TMEM94: variants seen among roughly 807,000 people sequenced by gnomAD.
TMEM94 encodes the protein ER Mg2+ ATPase.
In TMEM94, 81 loss-of-function variants were observed where a neutral mutation model predicts 158.6. That is an observed-to-expected ratio of 0.51 (90% CI 0.43 to 0.61). The LOEUF is 0.61. TMEM94 is among the 20% of genes least tolerant of loss of function. TMEM94 has a pLI of 0.00. For missense variants in TMEM94, 1,435 were observed against 1,762.0 expected (o/e 0.81, Z 3.32); for synonymous variants, 751 against 730.7 (o/e 1.03, Z -0.45).
At chr17:75,497,561 C>T (rs1482984488) in intron 26 of TMEM94, among the ~76,000 whole-genome samples, 3 of 152,010 alleles carry the variant, frequency 2.0e-5, no homozygotes, top group African/African-American at 4.8e-5. Context: ...GCCATGTTGG[C>T]GAGGCTGGTT....
In TMEM94 at chr17:75,498,769, G is replaced by C; in HGVS notation, c.3827+47G>C. ...GGCGGAGTGTGGGCTGGGGAGGAGA[G>C]GGCCTTCTGCAGGGCTAGGATCGGA... On this transcript the variant is annotated intron_variant, in intron 30 of 31. Coordinates refer to ENST00000314256, the MANE Select transcript of TMEM94 (RefSeq NM_014738.6). This position sits in a 1 kb window ranked among gnomAD's most constrained non-coding sequence, Gnocchi z 6.7. The C allele has an allele frequency of 6.5e-7, 1 of 1,533,742 alleles. No homozygotes were observed. The highest frequency in any genetic ancestry group is 8.8e-7 in the Non-Finnish European group (1 of 1,139,054).
Position 75,491,339 on chromosome 17 carries a change from T to C in TMEM94, c.1270T>C (p.Trp424Arg). Residue 424 changes from tryptophan (W) to arginine (R), a missense_variant, in exon 13 of 32, where the codon TGG becomes CGG. Trp to Arg is a moderately radical substitution (Grantham distance 101, BLOSUM62 -3). Transcript: ENST00000314256. This position sits in a 1 kb window ranked among gnomAD's most constrained non-coding sequence, Gnocchi z 5.1. Reference protein sequence around the residue: ...CCVDKQGILSWPNPSPETVLF... With the variant: ...CCVDKQGILSRPNPSPETVLF... The stretch of plus-strand genomic sequence containing the variant: ...TGTGGACAAACAGGGGATCCTGTCA[T>C]GGCCAAATCCCAGCCCAGAGACTGT... The C allele has an allele frequency of 6.2e-7, 1 of 1,614,182 alleles. No individual in the cohort carries two copies. Among genetic ancestry groups the C allele is most frequent in the Non-Finnish European group, 8.5e-7 (1 of 1,180,036 alleles).
At position 75,485,795 on chromosome 17, in the gene TMEM94, G is replaced by T; in HGVS notation, c.145-76G>T. On this transcript the variant is annotated intron_variant, in intron 3 of 31. Coordinates refer to ENST00000314256, the MANE Select transcript of TMEM94 (RefSeq NM_014738.6). This position sits in a 1 kb window ranked among gnomAD's most constrained non-coding sequence, Gnocchi z 5.5. ...GGACCAAGGCGGCCATGGGGGCTGG[G>T]AAGGGTGCCGGGGGAGGCAGCCAGA... is the stretch of plus-strand genomic sequence containing the variant. The T allele has an allele frequency of 1.3e-6, 2 of 1,509,498 alleles. No homozygotes were observed. The highest frequency in any genetic ancestry group is 8.9e-7 in the Non-Finnish European group (1 of 1,120,900). The allele number at this position is 1,509,498 out of a possible 1,614,324, so 93.5% of individuals were successfully genotyped here.
intron 1 of TMEM94, among the ~76,000 whole-genome samples, chr17:75,471,427 G>A (rs2050498437): frequency 6.6e-6 from 1 of 151,904 alleles, no homozygotes; most frequent in African/African-American, 2.4e-5. Flanking sequence ...TGGTCAGTGA[G>A]TTCAGTACTT....
intron 2 of TMEM94, among the ~76,000 whole-genome samples, chr17:75,475,051 A>G (rs1184414045): frequency 6.6e-6 from 1 of 152,052 alleles, no homozygotes; most frequent in African/African-American, 2.4e-5. Context: ...CATAGAAGGG[A>G]CAGTGTTTGT....
chr17:75,476,754 T>G, intron 2 of TMEM94: 2 of 1,535,736 alleles, frequency 1.3e-6, no homozygotes, highest in Non-Finnish European at 1.7e-6. Context: ...GTGAGTATGC[T>G]GGCAGGGCTT....
rs144192932 is a variant in TMEM94 at position 75,485,475 on chromosome 17, C to T, written c.72C>T (p.Ser24=). ...ALGLSTRKAL[S]VLKEQLEAVL... is the part of the protein sequence containing the mutation. Reference sequence around the variant, plus strand: ...GCCTGTCCACGCGGAAGGCCCTCAGCGTCCTGAAGGAGCAGCTGGAGGCAG... The same window carrying T: ...GCCTGTCCACGCGGAAGGCCCTCAGTGTCCTGAAGGAGCAGCTGGAGGCAG... The change falls in exon 3 of 32, where the codon AGC becomes AGT. Residue 24 remains serine (S), a synonymous_variant. Transcript: ENST00000314256. This position sits in a 1 kb window ranked among gnomAD's most constrained non-coding sequence, Gnocchi z 5.5. 7 of 1,614,032 alleles carry T rather than the reference C, an allele frequency of 4.3e-6. No individual in the cohort carries two copies. The African/African-American group carries it at 5.3e-5, about 12-fold the overall frequency.
In TMEM94 at chr17:75,498,392, G is replaced by T; in HGVS notation, c.3639-52G>T. On this transcript the variant is annotated intron_variant, in intron 28 of 31. Coordinates refer to ENST00000314256, the MANE Select transcript of TMEM94 (RefSeq NM_014738.6). The surrounding 1 kb of genome is among the most constrained non-coding windows in gnomAD (Gnocchi z 6.7). ...CGAGGCTTCCTCCCTCCCCACCCCA[G>T]CCTACCTCCCTGCGGCCCTAGAGGG... 1 of 1,610,262 alleles carries T rather than the reference G, an allele frequency of 6.2e-7. No individual in the cohort carries two copies. The highest frequency in any genetic ancestry group is 1.1e-5 in the South Asian group (1 of 90,814).
intron 1 of TMEM94, among the ~76,000 whole-genome samples, chr17:75,470,778 G>A (rs1235851188): frequency 6.6e-6 from 1 of 151,258 alleles, no homozygotes; most frequent in Non-Finnish European, 1.5e-5. Flanking sequence ...AATTAGCCGG[G>A]GATGCTGGTG....
chr17:75,474,630 G>C (rs1466562776), intron 2 of TMEM94, among the ~76,000 whole-genome samples: 1 of 152,190 alleles, frequency 6.6e-6, no homozygotes, highest in African/African-American at 2.4e-5. Context: ...CTGGGGGACA[G>C]AGCAGAATCT....
rs1002790842 is a variant in TMEM94, at chr17:75,492,882, G to A, written c.1913-47G>A. On this transcript the variant is annotated intron_variant, in intron 15 of 31. Transcript: ENST00000314256. The surrounding 1 kb of genome is among the most constrained non-coding windows in gnomAD (Gnocchi z 4.4). ...CTCACGGGACTTAATGGACCTGGCAGGGTATTGCCAGGGCATGGCCCTAAG... is the reference window on the plus strand; with the variant it reads ...CTCACGGGACTTAATGGACCTGGCAAGGTATTGCCAGGGCATGGCCCTAAG... The A allele has an allele frequency of 3.1e-6, 5 of 1,590,816 alleles. No homozygotes were observed. Among genetic ancestry groups the A allele is most frequent in the African/African-American group, 1.3e-5 (1 of 74,412 alleles).
Position 75,499,644 on chromosome 17 carries a change from T to G in TMEM94, c.*310T>G. ...CCCCTCACCTGTGAGCTACCCCCTT[T>G]AGGGATCCCTTGCCCCCTTGGAGAT... On this transcript the variant is annotated 3_prime_UTR_variant, in exon 32 of 32. Coordinates refer to ENST00000314256, the MANE Select transcript of TMEM94 (RefSeq NM_014738.6). The G allele has an allele frequency of 2.9e-6, 1 of 343,046 alleles. No individual in the cohort carries two copies. The highest frequency in any genetic ancestry group is 5.4e-6 in the Non-Finnish European group (1 of 185,726). The allele number at this position is 343,046 out of a possible 1,614,324, so 21.3% of individuals were successfully genotyped here.
Position 75,494,887 on chromosome 17 carries a change from C to A in TMEM94, c.2590-9C>A. ...GGCCCGTATGTTCATGGCCGTCTGC[C>A]TTTCACAGGTGTTTGCAGAAAAAAT... On this transcript the variant is annotated splice_polypyrimidine_tract_variant and intron_variant, in intron 19 of 31. Transcript: ENST00000314256. 1.2e-6 allele frequency: 2 copies of A among 1,613,606 alleles called. No individual in the cohort carries two copies. The highest frequency in any genetic ancestry group is 1.7e-6 in the Non-Finnish European group (2 of 1,180,008).
rs1172480358 is a variant in TMEM94 at position 75,463,104 on chromosome 17, G to A, written c.-107+6353G>A. Among the ~76,000 whole-genome samples the A allele has an allele frequency of 6.5e-3, 57 of 8,764 alleles. 3 individuals carry two copies. In the African/African-American group the frequency reaches 0.079, roughly 12 times the overall value. 5.7% of individuals were successfully genotyped at this position (8,764 alleles called of 152,430 possible). A position where few individuals can be genotyped will look rare whatever the true frequency, so the allele number is the denominator to read the frequency against. On this transcript the variant is annotated intron_variant, in intron 1 of 31. Transcript: ENST00000314256. ...TACACACACACACACATATATATGT[G>A]TGTATATATATGTATATATATACGT...
intron 10 of TMEM94, 150 bp from the exon 11 acceptor site, chr17:75,490,552 C>A: frequency 1.2e-6 from 1 of 864,864 alleles, no homozygotes; most frequent in Non-Finnish European, 1.8e-6. Flanking sequence ...TCTGCCCTGG[C>A]TTCCACCAGG....
rs1263484788 is a variant in TMEM94, at chr17:75,478,140, C to T, written c.24+6211C>T. 2.8e-3 allele frequency among the ~76,000 whole-genome samples: 370 copies of T among 132,628 alleles called. 2 individuals are homozygous for T. Among genetic ancestry groups the T allele is most frequent in the African/African-American group, 9.5e-3 (344 of 36,206 alleles). The allele number at this position is 132,628 out of a possible 152,430, so 87.0% of individuals were successfully genotyped here. On this transcript the variant is annotated intron_variant, in intron 2 of 31. Coordinates refer to ENST00000314256, the MANE Select transcript of TMEM94 (RefSeq NM_014738.6). ...ACGCCATTCTCCTGCCTCAGCCTCC[C>T]AAGTAGCTGGGACGACAGGCGCCCG...
rs748848086 is a variant in TMEM94, at chr17:75,489,623, G to A, written c.915G>A (p.Pro305=). Residue 305 remains proline, a synonymous_variant, in exon 9 of 32, where the codon CCG becomes CCA. Transcript: ENST00000314256. This position sits in a 1 kb window ranked among gnomAD's most constrained non-coding sequence, Gnocchi z 5.0. ...TNALRFIFSA[P]GVTSWQYTLL... is the part of the protein sequence containing the mutation. ...CCCTGCGCTTCATCTTCAGTGCCCCGGGGGTCACTTCCTGGCAGTACACCC... is the reference window on the plus strand; with the variant it reads ...CCCTGCGCTTCATCTTCAGTGCCCCAGGGGTCACTTCCTGGCAGTACACCC... The A allele has an allele frequency of 5.9e-5, 96 of 1,613,712 alleles. No individual in the cohort carries two copies. The highest frequency in any genetic ancestry group is 7.6e-5 in the Non-Finnish European group (90 of 1,179,898).
intron 1 of TMEM94, among the ~76,000 whole-genome samples, 164 bp downstream of exon 1, chr17:75,456,915 C>T (rs925316096): frequency 6.6e-6 from 1 of 152,200 alleles, no homozygotes; most frequent in African/African-American, 2.4e-5. Flanking sequence ...GGGACTGGCT[C>T]TAGTCTCCAG....
Position 75,492,463 on chromosome 17 carries a change from A to G in TMEM94, c.1597-11A>G. 1.3e-6 allele frequency: 2 copies of G among 1,563,730 alleles called. No individual in the cohort carries two copies. Among genetic ancestry groups the G allele is most frequent in the Non-Finnish European group, 1.7e-6 (2 of 1,151,244 alleles). On this transcript the variant is annotated splice_polypyrimidine_tract_variant and intron_variant, in intron 14 of 31. Transcript: ENST00000314256. This position sits in a 1 kb window ranked among gnomAD's most constrained non-coding sequence, Gnocchi z 4.4. ...ATCCCGGGCTGAGGCTCTCCTCCACATTTCCCCCAGACCCAGCCTGGGATG... is the reference window on the plus strand; with the variant it reads ...ATCCCGGGCTGAGGCTCTCCTCCACGTTTCCCCCAGACCCAGCCTGGGATG...
Sources: gnomAD v4.1 joint callset for allele counts (sites outside exome capture counted in the v4.1 genomes callset) on GRCh38, gnomAD v4.1.1 for gene constraint, Gnocchi (gnomAD v3.1) non-coding constraint, MANE v1.5 for transcripts, NCBI Gene and HGNC (gene_info 2026-07-23, HGNC 2026-07-21) for gene names.